The following MLLT3 variants were observed in gnomAD, a reference collection of about 807,000 sequenced individuals.
MLLT3 encodes the protein MLLT3 super elongation complex subunit, also known as protein AF-9.
In MLLT3, 4 loss-of-function variants were observed where a neutral mutation model predicts 53.2. The observed-to-expected ratio is 0.08, with a 90% CI of 0.04 to 0.17. The LOEUF (loss-of-function observed/expected upper bound fraction) is 0.17. Ranked by LOEUF, MLLT3 falls within the 10% of genes least tolerant of loss-of-function variation. The pLI is 1.00. For synonymous variants in MLLT3, 283 were observed against 230.6 expected, an observed-to-expected ratio of 1.23 and a Z score of -2.06; for missense variants, 569 against 684.0, an observed-to-expected ratio of 0.83 and a Z score of 1.87.
At chr9:20,457,238 C>CTTTTTTTTTTTT (rs769037689) in intron 2 of MLLT3, among the ~76,000 whole-genome samples, 1 of 63,738 alleles carries the variant, frequency 1.6e-5, no homozygotes, top group African/African-American at 5.9e-5. Context: ...ACAAGGACAT[C>CTTTTTTTTTTTT]TTTTTTTTTT....
intron 2 of MLLT3, among the ~76,000 whole-genome samples, chr9:20,464,293 A>G (rs867760105): frequency 6.6e-6 from 1 of 152,144 alleles, no homozygotes; most frequent in Admixed American, 6.5e-5. Context: ...AACAAGCACT[A>G]CAAAATCTTA....
chr9:20,485,347 T>C (rs1824781851), intron 2 of MLLT3, among the ~76,000 whole-genome samples: 1 of 152,240 alleles, frequency 6.6e-6, no homozygotes, highest in African/African-American at 2.4e-5. Context: ...CGTTAATAGT[T>C]TTATTTTACA....
chr9:20,507,098 T>C (rs1825401587), intron 2 of MLLT3, among the ~76,000 whole-genome samples: 1 of 152,224 alleles, frequency 6.6e-6, no homozygotes, highest in African/African-American at 2.4e-5. Context: ...AAGTGAGTAG[T>C]AAATTTTCAA....
chr9:20,397,824 T>C (rs1822360054), intron 5 of MLLT3, among the ~76,000 whole-genome samples: 1 of 152,124 alleles, frequency 6.6e-6, no homozygotes, highest in African/African-American at 2.4e-5. Flanking sequence ...TTTTGTCTCA[T>C]AGATGTAATG....
Position 20,414,101 on chromosome 9 carries a change from G to C in MLLT3, c.745C>G (p.Pro249Ala). 6.2e-7 allele frequency: 1 copy of C among 1,613,630 alleles called. No homozygotes were observed. The highest frequency in any genetic ancestry group is 8.5e-7 in the Non-Finnish European group (1 of 1,179,936). The change falls in exon 5 of 11, where the codon CCT (proline) becomes GCT (alanine). Residue 249 changes from proline to alanine, a missense_variant. Coordinates refer to ENST00000380338, the MANE Select transcript of MLLT3 (RefSeq NM_004529.4). ...NKPLKEEKIV[P>A]KMAFKEPKPM... ...TTAGGTTCCTTGAAGGCCATCTTAG[G>C]AACTATTTTCTCTTCTTTCAGTGGT...
chr9:20,483,069 A>C (rs1824705462), intron 2 of MLLT3, among the ~76,000 whole-genome samples: 1 of 152,112 alleles, frequency 6.6e-6, no homozygotes. Flanking sequence ...AAAAAAAAAC[A>C]AACTGTGGAA....
At chr9:20,406,036 T>G (rs1483401341) in intron 5 of MLLT3, among the ~76,000 whole-genome samples, 1 of 151,694 alleles carries the variant, frequency 6.6e-6, no homozygotes, top group Admixed American at 6.6e-5. Flanking sequence ...CGCTTGAACC[T>G]AGGAGGCAGA....
At chr9:20,408,699 CT>C (rs1334633601) in intron 5 of MLLT3, among the ~76,000 whole-genome samples, 1 of 152,136 alleles carries the variant, frequency 6.6e-6, no homozygotes, top group Non-Finnish European at 1.5e-5. Flanking sequence ...TAAAAAGCCA[CT>C]TTGAAAACAC....
chr9:20,446,466 G>C (rs528189934), intron 4 of MLLT3, among the ~76,000 whole-genome samples: 29 of 152,122 alleles, frequency 1.9e-4, no homozygotes, highest in African/African-American at 6.8e-4. Flanking sequence ...CAGCTCACAG[G>C]CAACCCTCGA....
intron 2 of MLLT3, among the ~76,000 whole-genome samples, chr9:20,486,628 T>A (rs1350040951): frequency 6.6e-6 from 1 of 152,160 alleles, no homozygotes; most frequent in Non-Finnish European, 1.5e-5. Context: ...AAGGTAAGGT[T>A]ACACTCCTAC....
At chr9:20,447,164 A>G (rs968932442) in intron 4 of MLLT3, among the ~76,000 whole-genome samples, 5 of 152,168 alleles carry the variant, frequency 3.3e-5, no homozygotes, top group Non-Finnish European at 5.9e-5. Context: ...CATGTATCCA[A>G]TAAAGAAAAC....
chr9:20,491,707 TG>T (rs1199882876), intron 2 of MLLT3, among the ~76,000 whole-genome samples: 4 of 152,162 alleles, frequency 2.6e-5, no homozygotes, highest in African/African-American at 9.6e-5. Flanking sequence ...AAAGTACAAA[TG>T]GGAGAAATAA....
intron 2 of MLLT3, among the ~76,000 whole-genome samples, chr9:20,480,111 T>G (rs1297815862): frequency 6.6e-6 from 1 of 152,200 alleles, no homozygotes; most frequent in Admixed American, 6.5e-5. Flanking sequence ...AAACCTCATA[T>G]CCTTTCTGCC....
chr9:20,348,117 G>A (rs1263038586), intron 10 of MLLT3, among the ~76,000 whole-genome samples: 3 of 152,014 alleles, frequency 2.0e-5, no homozygotes, highest in African/African-American at 7.2e-5. Flanking sequence ...CCAATCTCTG[G>A]AACTATTTTT....
In MLLT3 at chr9:20,345,452, A is replaced by G. The variant is rs1421109835; in HGVS notation, c.*991T>C. On this transcript the variant is annotated 3_prime_UTR_variant, in exon 11 of 11. Transcript: ENST00000380338. ...GACTAATAAATAGATCCAAATTAAG[A>G]ATTTCTACAACAGTTTTTTTTTTTA... 2 of 196,302 alleles carry G rather than the reference A, an allele frequency of 1.0e-5. No homozygotes were observed. Among genetic ancestry groups the G allele is most frequent in the Non-Finnish European group, 2.0e-5 (2 of 101,888 alleles). 12.2% of individuals were successfully genotyped at this position (196,302 alleles called of 1,614,324 possible). A position where few individuals can be genotyped will look rare whatever the true frequency, so the allele number is the denominator to read the frequency against.
rs185056864 is a variant in MLLT3, at chr9:20,447,115, A to G, written c.420+1008T>C. On this transcript the variant is annotated intron_variant, in intron 4 of 10. Transcript: ENST00000380338. ...TATACATGGGCAACTTTCTCATAAT[A>G]GGAACAATAGCTTTTCTTAGGTTCT... is the stretch of plus-strand genomic sequence containing the variant. Among the ~76,000 whole-genome samples, 3 of 152,302 alleles carry G rather than the reference A, an allele frequency of 2.0e-5. No individual in the cohort carries two copies. The East Asian group carries it at 5.8e-4, about 29-fold the overall frequency.
At chr9:20,585,527 G>A (rs1241604368) in intron 2 of MLLT3, among the ~76,000 whole-genome samples, 4 of 152,172 alleles carry the variant, frequency 2.6e-5, no homozygotes, top group African/African-American at 7.2e-5. Flanking sequence ...GTGTCACTGT[G>A]CACTCCCACC....
At chr9:20,357,327 T>C (rs1821195662) in intron 8 of MLLT3, among the ~76,000 whole-genome samples, 3 of 152,166 alleles carry the variant, frequency 2.0e-5, no homozygotes, top group Admixed American at 2.0e-4. Flanking sequence ...AAGGGAGGTT[T>C]GGAGTGAAAA....
chr9:20,454,327 T>C (rs1823909508), intron 3 of MLLT3, among the ~76,000 whole-genome samples: 1 of 152,154 alleles, frequency 6.6e-6, no homozygotes, highest in Non-Finnish European at 1.5e-5. Context: ...CCTTTACTTG[T>C]TTTCTTCTTA....
Sources: gnomAD v4.1 joint callset for allele counts (sites outside exome capture counted in the v4.1 genomes callset) on GRCh38, gnomAD v4.1.1 for gene constraint, MANE v1.5 for transcripts, NCBI Gene and HGNC (gene_info 2026-07-23, HGNC 2026-07-21) for gene names.